Variants in ZBTB8OS observed in about 807,000 individuals in gnomAD.
ZBTB8OS encodes the protein tRNA splicing ligase complex subunit 1.
ZBTB8OS carries 16 observed loss-of-function variants against 29.3 expected under a neutral mutation model. That is an observed-to-expected ratio of 0.55 (90% CI 0.37 to 0.83). The LOEUF (loss-of-function observed/expected upper bound fraction) is 0.83. ZBTB8OS is among the 40% of genes least tolerant of loss of function. ZBTB8OS has a pLI of 0.00. For synonymous variants in ZBTB8OS, 70 were observed against 64.6 expected, an observed-to-expected ratio of 1.08 and a Z score of -0.40; for missense variants, 160 against 196.9, an observed-to-expected ratio of 0.81 and a Z score of 1.12.
At chr1:32,637,098 C>T (rs1159270505) in intron 1 of ZBTB8OS, among the ~76,000 whole-genome samples, 2 of 152,046 alleles carry the variant, frequency 1.3e-5, no homozygotes, top group African/African-American at 4.8e-5. Flanking sequence ...ACTTCTCTGA[C>T]TCTACTAAGT....
intron 1 of ZBTB8OS, among the ~76,000 whole-genome samples, chr1:32,637,372 GC>G (rs1261246650): frequency 6.6e-6 from 1 of 151,684 alleles, no homozygotes; most frequent in Non-Finnish European, 1.5e-5. Context: ...GACCAGCCTG[GC>G]CAGTATGATG....
intron 1 of ZBTB8OS, among the ~76,000 whole-genome samples, chr1:32,635,840 G>C (rs1007849378): frequency 7.9e-5 from 12 of 152,252 alleles, no homozygotes; most frequent in Middle Eastern, 3.4e-3. Flanking sequence ...AACAAGATTA[G>C]TAACAGCCCT....
intron 1 of ZBTB8OS, chr1:32,640,100 C>T (rs973361915): frequency 3.4e-5 from 5 of 148,982 alleles, no homozygotes; most frequent in Non-Finnish European, 5.9e-5. Context: ...AAACTCAAAA[C>T]ATGGTATTTT....
intron 3 of ZBTB8OS, 24 bp from the exon 4 acceptor site, chr1:32,633,751 T>C: frequency 6.4e-7 from 1 of 1,552,640 alleles, no homozygotes. Flanking sequence ...AATAGTATAT[T>C]TAATAATTCT....
At position 32,643,070 on chromosome 1, in the gene ZBTB8OS, C is replaced by T. The variant is rs1418973391; in HGVS notation, c.97+7363G>A. On this transcript the variant is annotated intron_variant, in intron 1 of 6. Coordinates refer to ENST00000468695, the MANE Select transcript of ZBTB8OS (RefSeq NM_178547.5). ...ACAGACGTGAGCCACCGTGCCTGGC[C>T]TTTTTTTTTTTTTTTTTGAGATAGA... Among the ~76,000 whole-genome samples the T allele has an allele frequency of 2.4e-4, 26 of 107,500 alleles. No individual in the cohort carries two copies. The Admixed American group carries it at 2.5e-3, about 10-fold the overall frequency. The allele number at this position is 107,500 out of a possible 152,430, so 70.5% of individuals were successfully genotyped here.
intron 2 of ZBTB8OS, 73 bp from the exon 3 acceptor site, chr1:32,634,145 AAAAT>A: frequency 7.7e-7 from 1 of 1,304,896 alleles, no homozygotes; most frequent in Non-Finnish European, 1.0e-6. Flanking sequence ...AGGCAAAGTC[AAAAT>A]AAATTCAGTA....
At chr1:32,643,016 G>A (rs369576765) in intron 1 of ZBTB8OS, among the ~76,000 whole-genome samples, 8 of 143,770 alleles carry the variant, frequency 5.6e-5, no homozygotes, top group African/African-American at 1.8e-4. Context: ...GGTGATCTGC[G>A]GGCCTCGGCC....
chr1:32,623,575 G>A (rs1035566610), intron 6 of ZBTB8OS, among the ~76,000 whole-genome samples: 4 of 152,008 alleles, frequency 2.6e-5, no homozygotes, highest in Non-Finnish European at 5.9e-5. Flanking sequence ...CTTGTCCCTG[G>A]CTCCCATCAG....
At chr1:32,636,151 C>T (rs1287512221) in intron 1 of ZBTB8OS, among the ~76,000 whole-genome samples, 2 of 152,146 alleles carry the variant, frequency 1.3e-5, no homozygotes, top group African/African-American at 4.8e-5. Context: ...CTTCAATCCC[C>T]TGTGATTCCA....
intron 2 of ZBTB8OS, 106 bp from the exon 3 acceptor site, chr1:32,634,178 A>C (rs1645782696): frequency 9.6e-7 from 1 of 1,045,820 alleles, no homozygotes; most frequent in African/African-American, 1.7e-5. Flanking sequence ...ACAAATTTTA[A>C]GGCCTCAATC....
At chr1:32,643,237 A>G (rs1437374574) in intron 1 of ZBTB8OS, among the ~76,000 whole-genome samples, 1 of 148,752 alleles carries the variant, frequency 6.7e-6, no homozygotes, top group Admixed American at 6.7e-5. Context: ...CGCATGGCTA[A>G]TTTTTTGTAT....
chr1:32,648,150 A>G (rs1471769169), intron 1 of ZBTB8OS, among the ~76,000 whole-genome samples: 2 of 152,266 alleles, frequency 1.3e-5, no homozygotes, highest in Non-Finnish European at 2.9e-5. Context: ...CTTCACTTAC[A>G]ATAAGAAAAA....
chr1:32,630,628 G>A (rs1273044859), intron 5 of ZBTB8OS, among the ~76,000 whole-genome samples: 1 of 152,102 alleles, frequency 6.6e-6, no homozygotes, highest in East Asian at 1.9e-4. Context: ...TGTTGTCCCA[G>A]CTACTCAGGA....
chr1:32,649,657 CACACACACACAT>C (rs1318209151), intron 1 of ZBTB8OS, among the ~76,000 whole-genome samples: 17 of 140,310 alleles, frequency 1.2e-4, no homozygotes, highest in South Asian at 4.3e-4. Context: ...CACACACACA[CACACACACACAT>C]TTTTTTTTTT....
At chr1:32,634,819 T>A (rs772773631) in intron 1 of ZBTB8OS, 27 bp from the exon 2 acceptor site, 3 of 1,456,018 alleles carry the variant, frequency 2.1e-6, no homozygotes, top group Non-Finnish European at 9.7e-7. Flanking sequence ...AAAACACTTA[T>A]AAGACACTAA....
chr1:32,629,681 T>C (rs1203197272), intron 5 of ZBTB8OS, among the ~76,000 whole-genome samples: 1 of 151,538 alleles, frequency 6.6e-6, no homozygotes, highest in Non-Finnish European at 1.5e-5. Context: ...CGTGGTATAA[T>C]AGAAAGAGCA....
chr1:32,634,807 G>C lies in ZBTB8OS; in HGVS notation c.98-15C>G, dbSNP rs762458903. On this transcript the variant is annotated splice_polypyrimidine_tract_variant and intron_variant, in intron 1 of 6. Transcript: ENST00000468695. The stretch of plus-strand genomic sequence containing the variant: ...ATGATCCAAATCTGAGGGACAGAGG[G>C]AAAAACACTTATAAGACACTAAACT... The C allele has an allele frequency of 3.1e-5, 48 of 1,563,320 alleles. No individual in the cohort carries two copies. Among genetic ancestry groups the C allele is most frequent in the Admixed American group, 1.3e-4 (8 of 59,866 alleles).
At chr1:32,629,776 CAG>C (rs1446938318) in intron 5 of ZBTB8OS, among the ~76,000 whole-genome samples, 4 of 141,502 alleles carry the variant, frequency 2.8e-5, no homozygotes, top group Admixed American at 2.2e-4. Context: ...TTTTTTGAGC[CAG>C]AGTCTCGCGC....
intron 5 of ZBTB8OS, among the ~76,000 whole-genome samples, chr1:32,628,567 C>T (rs879622130): frequency 6.7e-6 from 1 of 150,336 alleles, no homozygotes; most frequent in Non-Finnish European, 1.5e-5. Context: ...AGCCAGGAGG[C>T]GGAGATTGCA....
Sources: gnomAD v4.1 joint callset for allele counts (sites outside exome capture counted in the v4.1 genomes callset) on GRCh38, gnomAD v4.1.1 for gene constraint, MANE v1.5 for transcripts, NCBI Gene and HGNC (gene_info 2026-07-23, HGNC 2026-07-21) for gene names.